The following EPHA5 variants were observed in gnomAD, a reference collection of about 807,000 sequenced individuals.
EPHA5 encodes EPH receptor A5.
Under a neutral mutation model 105.0 loss-of-function variants are expected in EPHA5, and 60 were observed. The ratio of observed to expected loss-of-function variants is 0.57; its 90% CI spans 0.46 to 0.71. The LOEUF is 0.71. EPHA5 is among the 30% of genes least tolerant of loss of function. The pLI is 0.00. For synonymous variants in EPHA5, 513 were observed against 449.1 expected, an observed-to-expected ratio of 1.14 and a Z score of -1.80; for missense variants, 1,218 against 1,274.7, an observed-to-expected ratio of 0.96 and a Z score of 0.68.
intron 16 of EPHA5, among the ~76,000 whole-genome samples, chr4:65,327,307 T>C (rs990761300): frequency 2.6e-5 from 4 of 151,248 alleles, no homozygotes; most frequent in African/African-American, 9.7e-5. Flanking sequence ...GGGATAAAAT[T>C]TTATTTCAAG....
intron 3 of EPHA5, among the ~76,000 whole-genome samples, chr4:65,518,980 C>G (rs1234084383): frequency 6.6e-6 from 1 of 151,984 alleles, no homozygotes; most frequent in African/African-American, 2.4e-5. Context: ...CCAGCATCAT[C>G]CTGATACCAA....
chr4:65,382,959 C>A (rs1448431996), intron 8 of EPHA5, among the ~76,000 whole-genome samples: 1 of 150,696 alleles, frequency 6.6e-6, no homozygotes, highest in Non-Finnish European at 1.5e-5. Flanking sequence ...TCAAAAGTGC[C>A]TGGAGGTGCT....
At chr4:65,374,760 G>A (rs947448270) in intron 8 of EPHA5, among the ~76,000 whole-genome samples, 11 of 151,856 alleles carry the variant, frequency 7.2e-5, no homozygotes, top group African/African-American at 2.7e-4. Context: ...CTAAGATTAA[G>A]AATGTCTACA....
intron 16 of EPHA5, among the ~76,000 whole-genome samples, chr4:65,329,433 A>G (rs1720386088): frequency 6.6e-6 from 1 of 151,478 alleles, no homozygotes; most frequent in Non-Finnish European, 1.5e-5. Context: ...TAACCAAAAT[A>G]TGTCATTCTG....
intron 5 of EPHA5, among the ~76,000 whole-genome samples, chr4:65,430,184 G>C (rs1248361901): frequency 6.6e-6 from 1 of 151,988 alleles, no homozygotes; most frequent in African/African-American, 2.4e-5. Context: ...TACTCAAACA[G>C]ATCACGCAGA....
intron 13 of EPHA5, among the ~76,000 whole-genome samples, chr4:65,348,696 ATAAAAT>A (rs1228836675): frequency 6.1e-4 from 14 of 22,978 alleles, no homozygotes; most frequent in Non-Finnish European, 3.3e-4. Flanking sequence ...ATATATATAT[ATAAAAT>A]ATATATGTGT....
intron 3 of EPHA5, among the ~76,000 whole-genome samples, chr4:65,573,025 T>C (rs1224789817): frequency 6.6e-6 from 1 of 151,840 alleles, no homozygotes; most frequent in Admixed American, 6.6e-5. Context: ...AGTGAGACTT[T>C]GTCTCAAAAA....
At chr4:65,452,570 A>G (rs1727168855) in intron 5 of EPHA5, among the ~76,000 whole-genome samples, 1 of 128,362 alleles carries the variant, frequency 7.8e-6, no homozygotes, top group African/African-American at 2.8e-5. Flanking sequence ...TAGCTAGCTC[A>G]GCTAAAATAC....
chr4:65,639,871 C>T (rs141938987), intron 2 of EPHA5, among the ~76,000 whole-genome samples: 1 of 152,110 alleles, frequency 6.6e-6, no homozygotes, highest in Non-Finnish European at 1.5e-5. Context: ...GGCTGTATTG[C>T]AAATTCATTT....
Position 65,651,315 on chromosome 4 carries a change from G to A in EPHA5, c.182-7888C>T, listed in dbSNP as rs111319823. Among the ~76,000 whole-genome samples, 51 of 152,278 alleles carry A rather than the reference G, an allele frequency of 3.3e-4. 2 individuals carry two copies. Among genetic ancestry groups the A allele is most frequent in the African/African-American group, 1.2e-3 (49 of 41,560 alleles). Reference sequence around the variant, plus strand: ...TGCCTCTCTCAGGAATTGCTTTTATGTGGGAAAAATCAATGTTGTTGCTTA... The same window carrying A: ...TGCCTCTCTCAGGAATTGCTTTTATATGGGAAAAATCAATGTTGTTGCTTA... On this transcript the variant is annotated intron_variant, in intron 1 of 16. Transcript: ENST00000613740.
At chr4:65,576,058 G>GAAAGAAAGAAAGAAAGAAAA in intron 3 of EPHA5, among the ~76,000 whole-genome samples, 1 of 50,814 alleles carries the variant, frequency 2.0e-5, no homozygotes, top group Non-Finnish European at 3.6e-5. Context: ...AAGAAAGAAA[G>GAAAGAAAGAAAGAAAGAAAA]AAAAGAAAAG....
At chr4:65,421,585 G>A (rs1414527350) in intron 5 of EPHA5, among the ~76,000 whole-genome samples, 1 of 152,054 alleles carries the variant, frequency 6.6e-6, no homozygotes, top group Non-Finnish European at 1.5e-5. Context: ...GAAAGACTAA[G>A]TCTTCAAAGT....
intron 12 of EPHA5, among the ~76,000 whole-genome samples, chr4:65,352,186 T>A (rs980688913): frequency 6.6e-5 from 10 of 152,046 alleles, no homozygotes; most frequent in African/African-American, 2.4e-4. Context: ...TCTAAGAGAC[T>A]GGAGTACTTA....
intron 2 of EPHA5, among the ~76,000 whole-genome samples, chr4:65,605,725 A>G (rs1370758010): frequency 6.6e-6 from 1 of 152,094 alleles, no homozygotes; most frequent in Non-Finnish European, 1.5e-5. Flanking sequence ...GAAAAAAAAA[A>G]TGGCACTGTA....
At chr4:65,515,085 C>T (rs778355893) in intron 3 of EPHA5, among the ~76,000 whole-genome samples, 1 of 152,148 alleles carries the variant, frequency 6.6e-6, no homozygotes, top group Non-Finnish European at 1.5e-5. Flanking sequence ...CCTGACTCTA[C>T]CAACTTGTCA....
chr4:65,435,337 T>C (rs1461653278), intron 5 of EPHA5, among the ~76,000 whole-genome samples: 3 of 152,150 alleles, frequency 2.0e-5, no homozygotes, highest in African/African-American at 7.2e-5. Flanking sequence ...GGGCTAAGAA[T>C]AATATTTACA....
chr4:65,452,420 G>A (rs1727153045), intron 5 of EPHA5, among the ~76,000 whole-genome samples: 1 of 151,982 alleles, frequency 6.6e-6, no homozygotes, highest in African/African-American at 2.4e-5. Context: ...TTTAAATGCT[G>A]AGATATGTTA....
chr4:65,460,257 C>T (rs967756448), intron 5 of EPHA5, among the ~76,000 whole-genome samples: 3 of 151,490 alleles, frequency 2.0e-5, no homozygotes, highest in African/African-American at 4.8e-5. Context: ...TATATAGTCT[C>T]AAGTTTCAAA....
chr4:65,537,272 C>T (rs1736378073), intron 3 of EPHA5, among the ~76,000 whole-genome samples: 1 of 151,738 alleles, frequency 6.6e-6, no homozygotes, highest in Admixed American at 6.6e-5. Context: ...AGTCAAGGAA[C>T]AAAACTAATA....
Sources: gnomAD v4.1 joint callset for allele counts (sites outside exome capture counted in the v4.1 genomes callset) on GRCh38, gnomAD v4.1.1 for gene constraint, MANE v1.5 for transcripts, NCBI Gene and HGNC (gene_info 2026-07-23, HGNC 2026-07-21) for gene names.